INTS6L: variants seen among roughly 807,000 people sequenced by gnomAD.
INTS6L encodes integrator complex subunit 6-like.
In INTS6L, 18 loss-of-function variants were observed where a neutral mutation model predicts 64.7. The ratio of observed to expected loss-of-function variants is 0.28; its 90% confidence interval spans 0.19 to 0.41. The LOEUF is 0.41. INTS6L is among the 10% of genes least tolerant of loss of function. INTS6L has a pLI of 1.00. For synonymous variants in INTS6L, 227 were observed against 235.9 expected, an observed-to-expected ratio of 0.96 and a Z score of 0.34; for missense variants, 533 against 661.0, an observed-to-expected ratio of 0.81 and a Z score of 2.12.
chrX:135,537,714 T>G (rs1368793138), intron 2 of INTS6L, among the ~76,000 whole-genome samples: 1 of 112,053 alleles, frequency 8.9e-6, no homozygotes, highest in Non-Finnish European at 1.9e-5. Flanking sequence ...TTTATTAAAC[T>G]TATAAACTAA....
intron 9 of INTS6L, among the ~76,000 whole-genome samples, chrX:135,562,162 C>T (rs781880938): frequency 9.0e-6 from 1 of 111,329 alleles, no homozygotes; most frequent in Admixed American, 9.6e-5. Context: ...TTTCTCTCAG[C>T]GCTAATTTAG....
intron 11 of INTS6L, 64 bp from the exon 12 acceptor site, chrX:135,572,751 A>T: frequency 1.1e-6 from 1 of 945,637 alleles, no homozygotes; most frequent in Non-Finnish European, 1.5e-6. Flanking sequence ...TATCTTTCTT[A>T]AGTAGTAAAA....
At chrX:135,572,568 C>T in intron 11 of INTS6L, 1 of 274,161 alleles carries the variant, frequency 3.6e-6, no homozygotes. Context: ...GGTTTTTATT[C>T]TCTCCATGAT....
intron 2 of INTS6L, among the ~76,000 whole-genome samples, chrX:135,540,405 C>T (rs1332327176): frequency 3.6e-5 from 4 of 111,795 alleles, no homozygotes; most frequent in Non-Finnish European, 5.6e-5. Flanking sequence ...CATATAAGCA[C>T]TGATAAATAT....
chrX:135,552,651 A>G (rs781795718), intron 8 of INTS6L, among the ~76,000 whole-genome samples: 3 of 112,449 alleles, frequency 2.7e-5, no homozygotes, highest in Non-Finnish European at 3.8e-5. Flanking sequence ...GGATTTTGCA[A>G]CTTGGATGAG....
intron 9 of INTS6L, among the ~76,000 whole-genome samples, chrX:135,564,689 G>A (rs928627184): frequency 9.6e-6 from 1 of 104,345 alleles, no homozygotes; most frequent in African/African-American, 3.5e-5. Context: ...CCCAGATCAC[G>A]CCACTGCACT....
chrX:135,547,647 G>A (rs191625086), intron 6 of INTS6L, among the ~76,000 whole-genome samples: 13 of 111,633 alleles, frequency 1.2e-4, no homozygotes, highest in African/African-American at 2.3e-4. Context: ...CCATCTTTAC[G>A]AAATATGTGT....
At chrX:135,553,351 G>A (rs974972069) in intron 8 of INTS6L, among the ~76,000 whole-genome samples, 1 of 109,889 alleles carries the variant, frequency 9.1e-6, no homozygotes. Flanking sequence ...AGGGTGGAGT[G>A]CAGTAACACA....
intron 8 of INTS6L, among the ~76,000 whole-genome samples, chrX:135,552,838 G>A (rs1249116762): frequency 8.9e-6 from 1 of 112,303 alleles, no homozygotes; most frequent in Non-Finnish European, 1.9e-5. Flanking sequence ...CTGTAAAGAT[G>A]TATGTTCTAT....
intron 7 of INTS6L, among the ~76,000 whole-genome samples, chrX:135,550,374 G>T (rs1476082764): frequency 9.1e-6 from 1 of 109,890 alleles, no homozygotes; most frequent in East Asian, 2.8e-4. Context: ...TTTGGTCACT[G>T]CATTTGGTAG....
intron 2 of INTS6L, among the ~76,000 whole-genome samples, chrX:135,536,440 A>G (rs2086054968): frequency 8.9e-6 from 1 of 111,799 alleles, no homozygotes; most frequent in Admixed American, 9.5e-5. Context: ...AAACTTGTAC[A>G]TTATACTGTG....
intron 15 of INTS6L, among the ~76,000 whole-genome samples, chrX:135,578,010 C>T (rs1372001975): frequency 2.7e-5 from 3 of 112,292 alleles, no homozygotes; most frequent in African/African-American, 6.5e-5. Context: ...TCCATGTGTA[C>T]GTTGGGTGCT....
intron 14 of INTS6L, among the ~76,000 whole-genome samples, chrX:135,576,620 G>A (rs868935113): frequency 9.0e-6 from 1 of 110,956 alleles, no homozygotes; most frequent in African/African-American, 3.3e-5. Flanking sequence ...AGAGTGAAAA[G>A]CCTCCTCACT....
chrX:135,578,114 T>C (rs2087279338), intron 15 of INTS6L, among the ~76,000 whole-genome samples: 1 of 111,484 alleles, frequency 9.0e-6, no homozygotes, highest in African/African-American at 3.3e-5. Context: ...CACCTCTAAA[T>C]ATCATAGGGC....
chrX:135,557,728 T>C (rs1480813411), intron 9 of INTS6L, among the ~76,000 whole-genome samples: 3 of 111,861 alleles, frequency 2.7e-5, no homozygotes, highest in Admixed American at 9.5e-5. Context: ...CATGTAGTTG[T>C]AAGAAATAAT....
chrX:135,576,325 C>G (rs1223096475), intron 14 of INTS6L, among the ~76,000 whole-genome samples: 2 of 23,409 alleles, frequency 8.5e-5, no homozygotes, highest in African/African-American at 1.9e-4. Context: ...GAGACTCCAT[C>G]TCAAAAAAAA....
chrX:135,523,627 C>T (rs1470541146), intron 2 of INTS6L, among the ~76,000 whole-genome samples: 2 of 111,224 alleles, frequency 1.8e-5, no homozygotes, highest in Non-Finnish European at 3.8e-5. Context: ...CTTTTTCTAC[C>T]GATTTTTATC....
chrX:135,573,658 A>G (rs2087147687), intron 12 of INTS6L, among the ~76,000 whole-genome samples: 1 of 112,593 alleles, frequency 8.9e-6, no homozygotes, highest in Admixed American at 9.4e-5. Flanking sequence ...CATCTAGAGT[A>G]CGAGCAGTGG....
chrX:135,554,997 TCTG>T (rs1556518609), intron 8 of INTS6L, among the ~76,000 whole-genome samples: 1 of 103,187 alleles, frequency 9.7e-6, no homozygotes, highest in Non-Finnish European at 2.0e-5. Flanking sequence ...TTCAAGTGAT[TCTG>T]CTGCCCAGCC....
Sources: gnomAD v4.1 joint callset for allele counts (sites outside exome capture counted in the v4.1 genomes callset) on GRCh38, gnomAD v4.1.1 for gene constraint, MANE v1.5 for transcripts, NCBI Gene and HGNC (gene_info 2026-07-23, HGNC 2026-07-21) for gene names.